NFASC: variants seen among roughly 807,000 people sequenced by gnomAD.
NFASC encodes the protein neurofascin homolog.
Under a neutral mutation model 147.5 loss-of-function variants are expected in NFASC, and 43 were observed. The ratio of observed to expected loss-of-function variants is 0.29; its 90% confidence interval spans 0.23 to 0.38. NFASC has a LOEUF of 0.38. Among genes scored for constraint, NFASC ranks in the 10% least tolerant of loss-of-function variants. The pLI is 1.00. For missense variants in NFASC, 1,320 were observed against 1,689.0 expected (o/e 0.78, Z 3.83); for synonymous variants, 622 against 665.5 (o/e 0.93, Z 1.01).
Position 204,975,453 on chromosome 1 carries a change from T to C in NFASC, c.1706+35T>C. On this transcript the variant is annotated intron_variant, in intron 15 of 29. Transcript: ENST00000339876. The surrounding 1 kb of genome is among the most constrained non-coding windows in gnomAD (Gnocchi z 4.0). ...CCCCCTTCCCCCTTCCTAGTGCTAGTTTGAGGCGCATTTTCTTTTCCCTTG... is the reference window on the plus strand; with the variant it reads ...CCCCCTTCCCCCTTCCTAGTGCTAGCTTGAGGCGCATTTTCTTTTCCCTTG... 1 of 1,589,552 alleles carries C rather than the reference T, an allele frequency of 6.3e-7. No homozygotes were observed. The highest frequency in any genetic ancestry group is 1.7e-5 in the Admixed American group (1 of 58,980).
chr1:204,877,018 AT>A lies in NFASC; in HGVS notation c.-199-43613del, dbSNP rs1558548033. Among the ~76,000 whole-genome samples, 13 of 109,362 alleles carry A rather than the reference AT, an allele frequency of 1.2e-4. 2 individuals carry two copies. Among genetic ancestry groups the A allele is most frequent in the African/African-American group, 4.2e-4 (10 of 23,664 alleles). The allele number at this position is 109,362 out of a possible 152,430, so 71.7% of individuals were successfully genotyped here. ...TATGTATATATATATATATATATATATATATATATAATATATATTTATATAT... is the reference window on the plus strand; with the variant it reads ...TATGTATATATATATATATATATATAATATATATAATATATATTTATATAT... On this transcript the variant is annotated intron_variant, in intron 1 of 29. Coordinates refer to ENST00000339876, the MANE Select transcript of NFASC (RefSeq NM_001005388.3).
chr1:205,016,423 A>C lies in NFASC; in HGVS notation c.3607A>C (p.Asn1203His), dbSNP rs1459483357. ...DYGEGGEGQF[N>H]EDGSFIGQYT... ...TGGCGAGGGTGGCGAGGGTCAGTTC[A>C]ATGAAGACGGCTCCTTCATCGGCCA... Residue 1203 changes from asparagine to histidine, a missense_variant, in exon 30 of 30, where the codon AAT becomes CAT. Coordinates refer to ENST00000339876, the MANE Select transcript of NFASC (RefSeq NM_001005388.3). This position sits in a 1 kb window ranked among gnomAD's most constrained non-coding sequence, Gnocchi z 5.1. 1 of 1,613,988 alleles carries C rather than the reference A, an allele frequency of 6.2e-7. No individual in the cohort carries two copies. Among genetic ancestry groups the C allele is most frequent in the Non-Finnish European group, 8.5e-7 (1 of 1,179,894 alleles).
chr1:205,001,220 T>C lies in NFASC; in HGVS notation c.3070T>C (p.Trp1024Arg). The change falls in exon 26 of 30, where the codon TGG becomes CGG. Residue 1024 changes from tryptophan to arginine, a missense_variant. Around this residue, in one of 3 missense-constraint regions of NFASC, gnomAD observed 172 missense variants for 165.8 expected, o/e 1.04. Coordinates refer to ENST00000339876, the MANE Select transcript of NFASC (RefSeq NM_001005388.3). ...WNVTVLPNSK[W>R]ANITWKHNFG... Reference sequence around the variant, plus strand: ...CGTCACGGTGCTCCCCAACAGTAAATGGGCCAACATCACCTGGAAGCACAA... The same window carrying C: ...CGTCACGGTGCTCCCCAACAGTAAACGGGCCAACATCACCTGGAAGCACAA... 6.2e-7 allele frequency: 1 copy of C among 1,612,848 alleles called. No homozygotes were observed. The highest frequency in any genetic ancestry group is 8.5e-7 in the Non-Finnish European group (1 of 1,179,448).
intron 2 of NFASC, among the ~76,000 whole-genome samples, chr1:204,926,380 G>GTA (rs200933434): frequency 0.076 from 3,626 of 47,430 alleles, 95 homozygotes; most frequent in East Asian, 0.15. Context: ...CTTTTTTCAT[G>GTA]TATATATATA....
At position 204,921,700 on chromosome 1, in the gene NFASC, C is replaced by A. The variant is rs181979007; in HGVS notation, c.-91+960C>A. Among the ~76,000 whole-genome samples the A allele has an allele frequency of 2.6e-5, 4 of 152,202 alleles. No individual in the cohort carries two copies. The East Asian group carries it at 7.7e-4, about 29-fold the overall frequency. On this transcript the variant is annotated intron_variant, in intron 2 of 29. Coordinates refer to ENST00000339876, the MANE Select transcript of NFASC (RefSeq NM_001005388.3). ...CTAGGCCTCAGTTTCCTAGTTTGTA[C>A]AACAGGGATAATAACCAACATTTTG...
rs141814871 is a variant in NFASC at position 204,891,318 on chromosome 1, T to C, written c.-199-29314T>C. On this transcript the variant is annotated intron_variant, in intron 1 of 29. Coordinates refer to ENST00000339876, the MANE Select transcript of NFASC (RefSeq NM_001005388.3). The stretch of plus-strand genomic sequence containing the variant: ...AACCAGTGGCTCAGGCTATTGGAAG[T>C]GTAGAGATGGACTGTTGCTAGGGAC... Among the ~76,000 whole-genome samples, 118 of 152,228 alleles carry C rather than the reference T, an allele frequency of 7.8e-4. 1 individual carries two copies. Among genetic ancestry groups the C allele is most frequent in the South Asian group, 5.0e-3 (24 of 4,802 alleles).
chr1:204,955,509 C>T (rs1275407748), intron 7 of NFASC, among the ~76,000 whole-genome samples: 1 of 152,136 alleles, frequency 6.6e-6, no homozygotes, highest in Non-Finnish European at 1.5e-5. Context: ...TGCAACCTTT[C>T]ATAAAGGAGT....
intron 1 of NFASC, among the ~76,000 whole-genome samples, chr1:204,833,959 G>A (rs146614099): frequency 1.3e-5 from 2 of 152,326 alleles, no homozygotes; most frequent in Non-Finnish European, 2.9e-5. Flanking sequence ...GTAATACCTA[G>A]CTGGTAGTAA....
chr1:205,011,715 A>C (rs1052534821), intron 28 of NFASC, among the ~76,000 whole-genome samples: 1 of 152,232 alleles, frequency 6.6e-6, no homozygotes, highest in African/African-American at 2.4e-5. Flanking sequence ...GTTACGTGAC[A>C]TGCTCTTCAA....
chr1:204,978,639 G>C (rs2095453753), intron 17 of NFASC, among the ~76,000 whole-genome samples: 1 of 152,236 alleles, frequency 6.6e-6, no homozygotes. Context: ...ATGACGGGTG[G>C]CATTCCTGAA....
intron 8 of NFASC, among the ~76,000 whole-genome samples, chr1:204,964,052 G>A (rs951518627): frequency 6.6e-6 from 1 of 152,250 alleles, no homozygotes; most frequent in Admixed American, 6.5e-5. Flanking sequence ...TGCCGCTTAG[G>A]ATTCAGCCAG....
chr1:204,979,389 A>T lies in NFASC; in HGVS notation c.2006A>T (p.Gln669Leu). Residue 669 changes from glutamine (Q) to leucine (L), a missense_variant, in exon 19 of 30, where the codon CAG becomes CTG. By Grantham distance (113) the Gln-to-Leu change is moderately radical (BLOSUM62 -2). Transcript: ENST00000339876. This position sits in a 1 kb window ranked among gnomAD's most constrained non-coding sequence, Gnocchi z 6.0. ...TACGTCGTCCAGTTTGAAGAAGACC[A>T]GTTCCAACCTGGGGTCTGGCATGAC... ...TDYVVQFEEDQFQPGVWHDHS... is the reference protein window; with the variant it reads ...TDYVVQFEEDLFQPGVWHDHS... 15 of 1,614,182 alleles carry T rather than the reference A, an allele frequency of 9.3e-6. No individual in the cohort carries two copies. Among genetic ancestry groups the T allele is most frequent in the Non-Finnish European group, 1.3e-5 (15 of 1,180,010 alleles).
In NFASC at chr1:204,917,933, A is replaced by G. The variant is rs78429518; in HGVS notation, c.-199-2699A>G. Among the ~76,000 whole-genome samples the G allele has an allele frequency of 9.8e-3, 1,491 of 152,346 alleles. 19 individuals are homozygous for G. Among genetic ancestry groups the G allele is most frequent in the African/African-American group, 0.034 (1,417 of 41,574 alleles). On this transcript the variant is annotated intron_variant, in intron 1 of 29. Transcript: ENST00000339876. ...AGGATGGTCATTGTTTCTAGGCCTT[A>G]CAGTGAACAGAGCTAGGAAATGTGC...
intron 1 of NFASC, among the ~76,000 whole-genome samples, chr1:204,873,692 G>A (rs557084691): frequency 6.6e-6 from 1 of 152,338 alleles, no homozygotes; most frequent in South Asian, 2.1e-4. Flanking sequence ...CTGAGGCAAT[G>A]AAGAAGCCAG....
At chr1:204,955,023 A>T in intron 7 of NFASC, 72 bp downstream of exon 7, 60 of 1,480,756 alleles carry the variant, frequency 4.1e-5, no homozygotes, top group Non-Finnish European at 5.3e-5. Context: ...TTAAGTGGGG[A>T]GGGGCTTGCC....
In NFASC at chr1:204,968,338, C is replaced by A; in HGVS notation, c.796C>A (p.Leu266Met). ...GGTGCTTCGTGGCATGGACCTCCTG[C>A]TGGAATGCATCGCCTCCGGGGTGTA... ...QMVLRGMDLL[L>M]ECIASGVPTP... Residue 266 changes from leucine (L) to methionine (M), a missense_variant, in exon 9 of 30, where the codon CTG becomes ATG. This residue lies in a region of NFASC where 981 missense variants were observed against 1,289.5 expected (regional missense o/e 0.76). Coordinates refer to ENST00000339876, the MANE Select transcript of NFASC (RefSeq NM_001005388.3). This position sits in a 1 kb window ranked among gnomAD's most constrained non-coding sequence, Gnocchi z 5.4. The A allele has an allele frequency of 1.2e-6, 2 of 1,613,996 alleles. No individual in the cohort carries two copies. Among genetic ancestry groups the A allele is most frequent in the Non-Finnish European group, 1.7e-6 (2 of 1,179,842 alleles).
intron 27 of NFASC, among the ~76,000 whole-genome samples, chr1:205,004,476 C>T (rs1374441629): frequency 6.6e-6 from 1 of 152,222 alleles, no homozygotes; most frequent in Non-Finnish European, 1.5e-5. Context: ...CAGACTCCTC[C>T]CAGCGAGAGC....
At chr1:204,848,797 G>A (rs2075399227) in intron 1 of NFASC, among the ~76,000 whole-genome samples, 3 of 152,170 alleles carry the variant, frequency 2.0e-5, no homozygotes, top group Non-Finnish European at 4.4e-5. Flanking sequence ...CTCTTCTCAG[G>A]ATGTTTCCCG....
intron 26 of NFASC, among the ~76,000 whole-genome samples, chr1:205,001,573 A>G (rs1325674511): frequency 6.6e-6 from 1 of 152,186 alleles, no homozygotes; most frequent in African/African-American, 2.4e-5. Flanking sequence ...TTTCCTGCCC[A>G]GGATGAGGGT....
Sources: gnomAD v4.1 joint callset for allele counts (sites outside exome capture counted in the v4.1 genomes callset) on GRCh38, gnomAD v4.1.1 for gene constraint, gnomAD v4.1.1 regional missense constraint, Gnocchi (gnomAD v3.1) non-coding constraint, MANE v1.5 for transcripts, NCBI Gene and HGNC (gene_info 2026-07-23, HGNC 2026-07-21) for gene names.